FOXP1: variants seen among roughly 807,000 people sequenced by gnomAD.
The protein encoded by FOXP1 is forkhead box P1, also known as forkhead box protein P1.
In FOXP1, 15 loss-of-function variants were observed where a neutral mutation model predicts 98.2. The observed-to-expected ratio is 0.15, with a 90% confidence interval of 0.10 to 0.24. FOXP1 has a LOEUF of 0.24. Ranked by LOEUF, FOXP1 falls within the 10% of genes least tolerant of loss-of-function variation. FOXP1 has a pLI of 1.00. For missense variants in FOXP1, 633 were observed against 848.5 expected, an observed-to-expected ratio of 0.75 and a Z score of 3.15; for synonymous variants, 371 against 314.5, an observed-to-expected ratio of 1.18 and a Z score of -1.90.
chr3:71,582,000 C>A, intron 1 of FOXP1: 1 of 962,648 alleles, frequency 1.0e-6, no homozygotes, highest in Non-Finnish European at 1.2e-6. Context: ...GATGGGGATA[C>A]GATCACGGGC....
intron 5 of FOXP1, among the ~76,000 whole-genome samples, chr3:71,274,822 T>TA (rs902762439): frequency 6.6e-6 from 1 of 152,192 alleles, no homozygotes; most frequent in Non-Finnish European, 1.5e-5. Flanking sequence ...TCACTGTTGT[T>TA]AAAAGCAAGG....
chr3:71,006,462 T>C (rs1027069260), intron 12 of FOXP1, among the ~76,000 whole-genome samples: 1 of 152,118 alleles, frequency 6.6e-6, no homozygotes. Context: ...AGTTATACGT[T>C]TATGAAGTAC....
At chr3:71,403,710 A>AG (rs1413716125) in intron 3 of FOXP1, among the ~76,000 whole-genome samples, 1 of 152,020 alleles carries the variant, frequency 6.6e-6, no homozygotes, top group Non-Finnish European at 1.5e-5. Context: ...AAATAGCCCA[A>AG]TGTGGTGGCA....
chr3:71,489,229 T>C (rs2090890002), intron 3 of FOXP1, among the ~76,000 whole-genome samples: 1 of 152,226 alleles, frequency 6.6e-6, no homozygotes. Flanking sequence ...TGCATTTCCC[T>C]TGTTTTTGTC....
At chr3:71,260,224 C>A (rs2068993661) in intron 5 of FOXP1, among the ~76,000 whole-genome samples, 1 of 152,142 alleles carries the variant, frequency 6.6e-6, no homozygotes, top group Non-Finnish European at 1.5e-5. Context: ...ACCTTGTGAT[C>A]CGCCCGCCTC....
chr3:71,079,186 T>C (rs1236780733), intron 7 of FOXP1, among the ~76,000 whole-genome samples: 1 of 152,144 alleles, frequency 6.6e-6, no homozygotes, highest in African/African-American at 2.4e-5. Context: ...TCTGCCCCTC[T>C]AGTCCAGAGG....
chr3:71,365,972 AAAAAC>A (rs977282286), intron 3 of FOXP1, among the ~76,000 whole-genome samples: 7 of 152,202 alleles, frequency 4.6e-5, no homozygotes, highest in African/African-American at 7.2e-5. Context: ...ACTCCATTTT[AAAAAC>A]AAAACAAAAC....
At chr3:71,378,803 C>G (rs1157542556) in intron 3 of FOXP1, among the ~76,000 whole-genome samples, 2 of 151,716 alleles carry the variant, frequency 1.3e-5, no homozygotes, top group Admixed American at 6.6e-5. Flanking sequence ...TAAATTAAAT[C>G]TTATCATATG....
intron 3 of FOXP1, among the ~76,000 whole-genome samples, chr3:71,375,387 G>T (rs193075538): frequency 1.1e-3 from 168 of 152,296 alleles, no homozygotes; most frequent in Non-Finnish European, 1.7e-3. Context: ...TAAACAGTGT[G>T]ATATGAGCAA....
At chr3:71,071,480 G>A (rs1404719088) in intron 7 of FOXP1, among the ~76,000 whole-genome samples, 1 of 152,196 alleles carries the variant, frequency 6.6e-6, no homozygotes, top group African/African-American at 2.4e-5. Context: ...ACTTTGTCAG[G>A]AATAATAGTG....
intron 3 of FOXP1, among the ~76,000 whole-genome samples, chr3:71,400,749 T>A (rs1024634004): frequency 6.6e-6 from 1 of 152,130 alleles, no homozygotes. Context: ...AGAAGCTGAA[T>A]TTTTTCCCCA....
At chr3:71,009,021 A>G (rs947830561) in intron 12 of FOXP1, among the ~76,000 whole-genome samples, 3 of 151,920 alleles carry the variant, frequency 2.0e-5, no homozygotes, top group Non-Finnish European at 2.9e-5. Context: ...ATTAATCTGG[A>G]GCTGCAGAAG....
intron 11 of FOXP1, among the ~76,000 whole-genome samples, chr3:71,036,340 CCT>C (rs369075261): frequency 1.9e-4 from 29 of 152,268 alleles, no homozygotes; most frequent in East Asian, 3.9e-4. Context: ...GTGTGCGTCC[CCT>C]GTTTCTAATA....
chr3:71,576,552 T>G (rs1334202371), intron 2 of FOXP1, among the ~76,000 whole-genome samples: 1 of 152,166 alleles, frequency 6.6e-6, no homozygotes, highest in African/African-American at 2.4e-5. Flanking sequence ...TTTAAATAGA[T>G]TATTAGTTGT....
At chr3:71,061,416 T>A (rs1274452682) in intron 7 of FOXP1, among the ~76,000 whole-genome samples, 1 of 152,132 alleles carries the variant, frequency 6.6e-6, no homozygotes, top group Non-Finnish European at 1.5e-5. Flanking sequence ...ATTCTCAACT[T>A]TTTTATGTAG....
chr3:71,065,627 C>G (rs1043214399), intron 7 of FOXP1: 24 of 152,308 alleles, frequency 1.6e-4, no homozygotes, highest in African/African-American at 5.5e-4. Context: ...AAACGTGCCT[C>G]GTCGCTGAAC....
chr3:71,089,266 C>G (rs1446046830), intron 7 of FOXP1, among the ~76,000 whole-genome samples: 1 of 152,212 alleles, frequency 6.6e-6, no homozygotes, highest in Non-Finnish European at 1.5e-5. Context: ...GAAAAGCCAG[C>G]TGCCACATCA....
chr3:71,432,241 T>C (rs1218583950), intron 3 of FOXP1, among the ~76,000 whole-genome samples: 3 of 152,184 alleles, frequency 2.0e-5, no homozygotes, highest in Non-Finnish European at 4.4e-5. Context: ...CGGCTGACCT[T>C]GTCGTGGCCG....
rs560341365 is a variant in FOXP1, at chr3:71,453,496, G to C, written c.-168+39930C>G. ...CGGCAGCCCTACTGGCCGCATCAAA[G>C]GATAGGCTGTAATAGGATTTCAACA... On this transcript the variant is annotated intron_variant, in intron 3 of 20. Transcript: ENST00000649528. 1.3e-4 allele frequency among the ~76,000 whole-genome samples: 20 copies of C among 152,294 alleles called. No individual in the cohort carries two copies. The East Asian group carries it at 3.9e-3, about 29-fold the overall frequency.
Sources: gnomAD v4.1 joint callset for allele counts (sites outside exome capture counted in the v4.1 genomes callset) on GRCh38, gnomAD v4.1.1 for gene constraint, MANE v1.5 for transcripts, NCBI Gene and HGNC (gene_info 2026-07-23, HGNC 2026-07-21) for gene names.